The following FMN2 variants were observed in gnomAD, a reference collection of about 807,000 sequenced individuals.
FMN2 encodes the protein formin-2.
Under a neutral mutation model 142.3 loss-of-function variants are expected in FMN2, and 51 were observed. The observed-to-expected ratio is 0.36, with a 90% confidence interval of 0.29 to 0.45. The LOEUF is 0.45. FMN2 is among the 20% of genes least tolerant of loss of function. The pLI is 1.00. For synonymous variants in FMN2, 882 were observed against 869.8 expected (o/e 1.01, Z -0.25); for missense variants, 1,936 against 2,122.8 (o/e 0.91, Z 1.73).
At chr1:240,281,494 G>A (rs1321349788) in intron 7 of FMN2, among the ~76,000 whole-genome samples, 2 of 152,118 alleles carry the variant, frequency 1.3e-5, no homozygotes, top group African/African-American at 2.4e-5. Context: ...GCGGACAAGA[G>A]TACCTAGCTC....
rs1471369014 is a variant in FMN2, at chr1:240,207,278, A to G, written c.2466A>G (p.Gln822=). 1.1e-5 allele frequency: 17 copies of G among 1,613,808 alleles called. No individual in the cohort carries two copies. Among genetic ancestry groups the G allele is most frequent in the Non-Finnish European group, 1.4e-5 (17 of 1,179,916 alleles). ...PPPSLLWSAG[Q]GQPGSQPPHS... Reference sequence around the variant, plus strand: ...CATCCCTTCTGTGGTCTGCTGGGCAAGGACAGCCTGGGTCACAGCCGCCCC... The same window carrying G: ...CATCCCTTCTGTGGTCTGCTGGGCAGGGACAGCCTGGGTCACAGCCGCCCC... Residue 822 remains glutamine, a synonymous_variant, in exon 5 of 18, where the codon CAA becomes CAG. Coordinates refer to ENST00000319653, the MANE Select transcript of FMN2 (RefSeq NM_020066.5).
chr1:240,232,447 A>G (rs573426733), intron 6 of FMN2, among the ~76,000 whole-genome samples: 1 of 152,290 alleles, frequency 6.6e-6, no homozygotes, highest in East Asian at 1.9e-4. Context: ...ACTTAAAAAT[A>G]TCTTTTTCAT....
intron 15 of FMN2, among the ~76,000 whole-genome samples, chr1:240,430,198 T>C (rs1368797331): frequency 6.6e-6 from 1 of 152,130 alleles, no homozygotes; most frequent in Non-Finnish European, 1.5e-5. Context: ...AACATTCTTG[T>C]ATGAGTCTGT....
chr1:240,226,754 G>A (rs10802847), intron 6 of FMN2, among the ~76,000 whole-genome samples: 112,388 of 151,716 alleles, frequency 0.74, 42,759 homozygotes, highest in African/African-American at 0.88. Flanking sequence ...ACAAAAGTCC[G>A]TGAACATCTC....
At chr1:240,238,948 T>G (rs1667798713) in intron 6 of FMN2, among the ~76,000 whole-genome samples, 1 of 149,564 alleles carries the variant, frequency 6.7e-6, no homozygotes, top group Admixed American at 6.6e-5. Flanking sequence ...CGATAGAAGT[T>G]AGAAGGAGAC....
At chr1:240,222,275 G>T (rs959474503) in intron 6 of FMN2, among the ~76,000 whole-genome samples, 4 of 152,020 alleles carry the variant, frequency 2.6e-5, no homozygotes, top group Non-Finnish European at 5.9e-5. Flanking sequence ...GTTTTTGTCA[G>T]GTTTGTCAAA....
In FMN2 at chr1:240,305,951, GT is replaced by G. The variant is rs10577212; in HGVS notation, c.4215+11084del. 2.1e-3 allele frequency among the ~76,000 whole-genome samples: 254 copies of G among 121,720 alleles called. 1 individual carries two copies. Among genetic ancestry groups the G allele is most frequent in the African/African-American group, 4.9e-3 (130 of 26,664 alleles). The allele number at this position is 121,720 out of a possible 152,430, so 79.9% of individuals were successfully genotyped here. The stretch of plus-strand genomic sequence containing the variant: ...TTTTCTAGACTAGATATGCTTGTAA[GT>G]TTTTTTTTTTTTTTTGAGGTGAAAT... On this transcript the variant is annotated intron_variant, in intron 8 of 17. Transcript: ENST00000319653.
At chr1:240,389,322 T>C (rs1304565821) in intron 14 of FMN2, among the ~76,000 whole-genome samples, 1 of 152,196 alleles carries the variant, frequency 6.6e-6, no homozygotes, top group East Asian at 1.9e-4. Context: ...TATAAATATA[T>C]ATAAATAACA....
chr1:240,462,471 C>G (rs1425706750), intron 16 of FMN2, among the ~76,000 whole-genome samples: 3 of 152,126 alleles, frequency 2.0e-5, no homozygotes, highest in East Asian at 3.9e-4. Flanking sequence ...GTAGTTTACT[C>G]AAAATGTGAA....
chr1:240,194,547 G>C (rs934667183), intron 4 of FMN2, among the ~76,000 whole-genome samples: 4 of 152,118 alleles, frequency 2.6e-5, no homozygotes, highest in African/African-American at 9.7e-5. Context: ...AAACTGCAAG[G>C]GTTCATTAGT....
intron 8 of FMN2, among the ~76,000 whole-genome samples, chr1:240,316,233 G>A (rs950178751): frequency 2.4e-4 from 37 of 152,328 alleles, no homozygotes; most frequent in African/African-American, 8.7e-4. Context: ...GGCAGTTGCT[G>A]AAAAGGCAAC....
chr1:240,452,585 T>G (rs1235121129), intron 16 of FMN2, among the ~76,000 whole-genome samples: 1 of 151,926 alleles, frequency 6.6e-6, no homozygotes, highest in South Asian at 2.1e-4. Flanking sequence ...AAGGTAAATA[T>G]TTTTGGAAAG....
intron 15 of FMN2, among the ~76,000 whole-genome samples, chr1:240,432,558 C>T (rs115618126): frequency 0.034 from 5,165 of 151,828 alleles, 272 homozygotes; most frequent in African/African-American, 0.12. Flanking sequence ...TGCTCCTTTA[C>T]AGTTTCTTGA....
intron 16 of FMN2, among the ~76,000 whole-genome samples, chr1:240,452,051 T>C (rs1276096101): frequency 6.6e-6 from 1 of 151,844 alleles, no homozygotes; most frequent in Non-Finnish European, 1.5e-5. Flanking sequence ...ATTAGCCAGG[T>C]GTGGTGGCAC....
At chr1:240,368,433 A>G (rs1371813846) in intron 14 of FMN2, among the ~76,000 whole-genome samples, 1 of 152,128 alleles carries the variant, frequency 6.6e-6, no homozygotes, top group Non-Finnish European at 1.5e-5. Context: ...TAAGATTTCC[A>G]TATGTTTTTG....
chr1:240,294,700 A>G, intron 7 of FMN2, 122 bp from the exon 8 acceptor site: 1 of 804,736 alleles, frequency 1.2e-6, no homozygotes, highest in East Asian at 2.6e-5. Context: ...GGCAAGGGGA[A>G]ACATTGAAGT....
chr1:240,309,237 G>C (rs961899027), intron 8 of FMN2, among the ~76,000 whole-genome samples: 4 of 152,134 alleles, frequency 2.6e-5, no homozygotes, highest in Non-Finnish European at 5.9e-5. Context: ...TAAGACTGGG[G>C]TGCAGATTTC....
chr1:240,259,018 C>T (rs1370771311), intron 7 of FMN2, among the ~76,000 whole-genome samples: 8 of 152,190 alleles, frequency 5.3e-5, no homozygotes, highest in Non-Finnish European at 1.2e-4. Flanking sequence ...ATAGCACAAG[C>T]TTGGTATGCC....
intron 2 of FMN2, chr1:240,170,046 C>G (rs1233055086): frequency 1.0e-5 from 6 of 573,636 alleles, no homozygotes; most frequent in Non-Finnish European, 1.9e-5. Flanking sequence ...GATGGACATT[C>G]TGTCTCTACT....
Sources: allele counts gnomAD v4.1 joint callset (sites outside exome capture counted in the v4.1 genomes callset), GRCh38; gene constraint gnomAD v4.1.1; transcripts MANE v1.5; gene names NCBI Gene and HGNC (gene_info 2026-07-23, HGNC 2026-07-21).